Variants in COBL observed in about 807,000 individuals in gnomAD.
COBL encodes the protein cordon-bleu WH2 repeat protein, also known as protein cordon-bleu.
Under a neutral mutation model 98.8 loss-of-function variants are expected in COBL, and 51 were observed. The ratio of observed to expected loss-of-function variants is 0.52; its 90% CI spans 0.41 to 0.65. COBL has a LOEUF of 0.65. Among genes scored for constraint, COBL ranks in the 30% least tolerant of loss-of-function variants. The probability of loss-of-function intolerance (pLI) is 0.00; values close to 1 mark genes in which losing one functional copy is unlikely to be tolerated. For synonymous variants in COBL, 634 were observed against 651.7 expected (o/e 0.97, Z 0.41); for missense variants, 1,617 against 1,617.5 (o/e 1.00, Z 0.01).
intron 1 of COBL, among the ~76,000 whole-genome samples, chr7:51,266,246 G>C (rs1464455458): frequency 6.6e-6 from 1 of 152,216 alleles, no homozygotes; most frequent in East Asian, 1.9e-4. Context: ...AAAAGCTGCT[G>C]TCATTAACTT....
intron 1 of COBL, among the ~76,000 whole-genome samples, chr7:51,233,945 T>C (rs1358536503): frequency 6.6e-6 from 1 of 152,206 alleles, no homozygotes; most frequent in Non-Finnish European, 1.5e-5. Flanking sequence ...TCTGCCTCTA[T>C]TAATAAGTAG....
intron 1 of COBL, among the ~76,000 whole-genome samples, chr7:51,220,344 A>C (rs1793518140): frequency 6.6e-6 from 1 of 152,124 alleles, no homozygotes; most frequent in African/African-American, 2.4e-5. Flanking sequence ...CACTTTATTA[A>C]ATCTTGCCCC....
intron 1 of COBL, among the ~76,000 whole-genome samples, chr7:51,226,038 CCATCTTT>C (rs1794148373): frequency 6.6e-6 from 1 of 152,224 alleles, no homozygotes; most frequent in African/African-American, 2.4e-5. Context: ...TTTACATCTT[CCATCTTT>C]CCAGTTGGAA....
At position 51,080,040 on chromosome 7, in the gene COBL, C is replaced by G. The variant is rs188366087; in HGVS notation, c.1096+5126G>C. The stretch of plus-strand genomic sequence containing the variant: ...GTGCTTGGGCTGAGTTCCAGGCAGG[C>G]TGGCAGGAGGCTGGCTGTGGAAGGG... On this transcript the variant is annotated intron_variant, in intron 7 of 12. Transcript: ENST00000265136. Among the ~76,000 whole-genome samples, 603 of 152,258 alleles carry G rather than the reference C, an allele frequency of 4.0e-3. 4 individuals are homozygous for G. Among genetic ancestry groups the G allele is most frequent in the African/African-American group, 0.014 (569 of 41,564 alleles).
At chr7:51,130,742 T>A (rs1226528657) in intron 6 of COBL, among the ~76,000 whole-genome samples, 3 of 152,202 alleles carry the variant, frequency 2.0e-5, no homozygotes. Flanking sequence ...CTTCAGTTCT[T>A]GATGAAACGT....
chr7:51,241,976 C>T (rs1459582205), intron 1 of COBL, among the ~76,000 whole-genome samples: 3 of 152,108 alleles, frequency 2.0e-5, no homozygotes, highest in Admixed American at 1.3e-4. Context: ...TCCCAAGTAA[C>T]AAAAAGACCA....
intron 1 of COBL, among the ~76,000 whole-genome samples, chr7:51,300,852 C>G (rs1232927879): frequency 6.6e-6 from 1 of 152,212 alleles, no homozygotes; most frequent in Non-Finnish European, 1.5e-5. Flanking sequence ...CCTTTCCCCA[C>G]TTCTGGCTCA....
intron 1 of COBL, among the ~76,000 whole-genome samples, chr7:51,289,112 G>A (rs1800658924): frequency 6.6e-6 from 1 of 152,088 alleles, no homozygotes; most frequent in Non-Finnish European, 1.5e-5. Flanking sequence ...TGGTGCTCAG[G>A]GTCCAGTGAG....
intron 7 of COBL, among the ~76,000 whole-genome samples, chr7:51,050,526 A>G (rs1271216105): frequency 1.8e-4 from 28 of 152,370 alleles, no homozygotes; most frequent in Admixed American, 1.8e-3. Flanking sequence ...TTTCCCTAGG[A>G]CAATGTTATA....
chr7:51,034,603 C>T (rs985534992), intron 8 of COBL: 6 of 152,230 alleles, frequency 3.9e-5, no homozygotes, highest in African/African-American at 1.4e-4. Context: ...GGATTATAAA[C>T]ATTCCTCTCT....
At chr7:51,090,067 TCG>T (rs1301764089) in intron 6 of COBL, among the ~76,000 whole-genome samples, 2 of 152,232 alleles carry the variant, frequency 1.3e-5, no homozygotes, top group Admixed American at 1.3e-4. Context: ...TCTTTATTTT[TCG>T]AGTTTTCAAT....
At position 51,107,084 on chromosome 7, in the gene COBL, G is replaced by GTTTTTTTTTTTTTTTTTTTTTTTTT. The variant is rs202161212; in HGVS notation, c.958-21781_958-21780insAAAAAAAAAAAAAAAAAAAAAAAAA. Among the ~76,000 whole-genome samples, 5 of 109,312 alleles carry GTTTTTTTTTTTTTTTTTTTTTTTTT rather than the reference G, an allele frequency of 4.6e-5. 2 individuals are homozygous for GTTTTTTTTTTTTTTTTTTTTTTTTT. Among genetic ancestry groups the GTTTTTTTTTTTTTTTTTTTTTTTTT allele is most frequent in the Non-Finnish European group, 5.6e-5 (3 of 53,292 alleles). The allele number at this position is 109,312 out of a possible 152,430, so 71.7% of individuals were successfully genotyped here. ...ACTTAACACTTTTTTTGTGATCCTA[G>GTTTTTTTTTTTTTTTTTTTTTTTTT]TTTGTTTGTTTTTTTTTTTTTTTTT... On this transcript the variant is annotated intron_variant, in intron 6 of 12. Transcript: ENST00000265136.
intron 6 of COBL, among the ~76,000 whole-genome samples, chr7:51,135,737 T>A (rs1799170772): frequency 2.6e-5 from 4 of 152,150 alleles, no homozygotes. Context: ...GGAAATAAAG[T>A]TCTGCCACAG....
chr7:51,060,309 T>C (rs1385598951), intron 7 of COBL, among the ~76,000 whole-genome samples: 2 of 152,250 alleles, frequency 1.3e-5, no homozygotes, highest in African/African-American at 4.8e-5. Flanking sequence ...CTGCCAAAAC[T>C]ACTATCAGTA....
At chr7:51,072,732 AC>A (rs750914416) in intron 7 of COBL, 1 of 152,240 alleles carries the variant, frequency 6.6e-6, no homozygotes, top group Non-Finnish European at 1.5e-5. Context: ...TGAATAGAAC[AC>A]CCTTCTTCTC....
chr7:51,148,376 C>G (rs1387001039), intron 5 of COBL, among the ~76,000 whole-genome samples: 1 of 152,162 alleles, frequency 6.6e-6, no homozygotes, highest in African/African-American at 2.4e-5. Flanking sequence ...TAAGGTACAA[C>G]TCTACTGGCT....
chr7:51,309,188 G>A (rs933057321), intron 1 of COBL, among the ~76,000 whole-genome samples: 5 of 152,128 alleles, frequency 3.3e-5, no homozygotes, highest in Non-Finnish European at 7.3e-5. Context: ...TTTTAAGGAC[G>A]ATGTGATTAT....
intron 7 of COBL, among the ~76,000 whole-genome samples, chr7:51,048,915 T>C (rs1789976993): frequency 6.6e-6 from 1 of 152,202 alleles, no homozygotes; most frequent in Admixed American, 6.5e-5. Flanking sequence ...ATTGCTAGCA[T>C]GAGGCAGGGT....
chr7:51,310,330 C>T (rs1802893263), intron 1 of COBL, among the ~76,000 whole-genome samples: 1 of 152,162 alleles, frequency 6.6e-6, no homozygotes, highest in African/African-American at 2.4e-5. Flanking sequence ...AGCAATTTCA[C>T]CTTGGACAAC....
Sources: gnomAD v4.1 joint callset for allele counts (sites outside exome capture counted in the v4.1 genomes callset) on GRCh38, gnomAD v4.1.1 for gene constraint, MANE v1.5 for transcripts, NCBI Gene and HGNC (gene_info 2026-07-23, HGNC 2026-07-21) for gene names.